Variants in LOC128462377 observed in about 807,000 individuals in gnomAD.
At chr16:89,349,757 A>G in the LOC128462377 span, among the ~76,000 whole-genome samples, 3 of 152,154 alleles carry the variant, frequency 2.0e-5, no homozygotes, top group African/African-American at 7.2e-5. Flanking sequence ...AAAAGCACAA[A>G]GTACCCAAGA....
At chr16:89,365,667 T>C in the LOC128462377 span, among the ~76,000 whole-genome samples, 2 of 152,178 alleles carry the variant, frequency 1.3e-5, no homozygotes, top group Admixed American at 6.5e-5. Flanking sequence ...ACCGCAATTC[T>C]TCCTGGGCAG....
chr16:89,362,319 A>T, the LOC128462377 span, among the ~76,000 whole-genome samples: 1 of 152,232 alleles, frequency 6.6e-6, no homozygotes, highest in Non-Finnish European at 1.5e-5. Context: ...TGCCTGAGTG[A>T]AACCTCACGA....
At chr16:89,318,172 C>A in the LOC128462377 span, among the ~76,000 whole-genome samples, 1 of 152,232 alleles carries the variant, frequency 6.6e-6, no homozygotes, top group Admixed American at 6.5e-5. Context: ...CCTTCCCAGC[C>A]TCGTCCTGGT....
chr16:89,346,885 AAAC>A, the LOC128462377 span, among the ~76,000 whole-genome samples: 1 of 152,268 alleles, frequency 6.6e-6, no homozygotes, highest in South Asian at 2.1e-4. Context: ...AACAGAGACT[AAAC>A]AAAGTCAAAG....
At chr16:89,327,917 T>C in the LOC128462377 span, among the ~76,000 whole-genome samples, 2 of 152,214 alleles carry the variant, frequency 1.3e-5, no homozygotes, top group Non-Finnish European at 2.9e-5. Flanking sequence ...CTTTTGCTCT[T>C]TGAAAGACCT....
the LOC128462377 span, among the ~76,000 whole-genome samples, chr16:89,353,340 TC>T: frequency 6.9e-6 from 1 of 144,356 alleles, no homozygotes; most frequent in African/African-American, 2.6e-5. Flanking sequence ...AGACTCCAAC[TC>T]CAAAAAAAAA....
At chr16:89,322,216 C>T in the LOC128462377 span, among the ~76,000 whole-genome samples, 1 of 152,202 alleles carries the variant, frequency 6.6e-6, no homozygotes, top group African/African-American at 2.4e-5. Flanking sequence ...ACACCAAGCC[C>T]CCTTACACCT....
the LOC128462377 span, among the ~76,000 whole-genome samples, chr16:89,393,571 C>T: frequency 7.3e-5 from 11 of 150,942 alleles, no homozygotes; most frequent in Non-Finnish European, 1.6e-4. Flanking sequence ...GAACTCCCGA[C>T]CTCAGAGTGA....
chr16:89,412,758 T>TA, the LOC128462377 span, among the ~76,000 whole-genome samples: 1 of 151,866 alleles, frequency 6.6e-6, no homozygotes, highest in Non-Finnish European at 1.5e-5. Context: ...ATTAAAAAAA[T>TA]AAAACACTGG....
the LOC128462377 span, among the ~76,000 whole-genome samples, chr16:89,359,921 G>A: frequency 1.3e-5 from 2 of 152,008 alleles, no homozygotes; most frequent in Admixed American, 6.6e-5. Context: ...TAGGTTCGGG[G>A]GCACATGTGA....
At chr16:89,319,935 C>G in the LOC128462377 span, 1 of 152,458 alleles carries the variant, frequency 6.6e-6, no homozygotes, top group Non-Finnish European at 1.5e-5. Flanking sequence ...CCCACACTGC[C>G]CTGTGTTCCC....
the LOC128462377 span, among the ~76,000 whole-genome samples, chr16:89,413,831 G>A: frequency 5.5e-4 from 84 of 152,252 alleles, no homozygotes; most frequent in African/African-American, 2.0e-3. Context: ...GGATGCAGAG[G>A]GGCCTGCCCA....
At chr16:89,339,055 A>C in the LOC128462377 span, among the ~76,000 whole-genome samples, 1 of 152,138 alleles carries the variant, frequency 6.6e-6, no homozygotes, top group Non-Finnish European at 1.5e-5. Flanking sequence ...TGAGTCTCTA[A>C]ACCAGGAGGA....
At chr16:89,416,834 A>G in the LOC128462377 span, among the ~76,000 whole-genome samples, 4 of 152,102 alleles carry the variant, frequency 2.6e-5, no homozygotes, top group African/African-American at 9.6e-5. Context: ...CATTAAGGTC[A>G]GCAGTATCCT....
the LOC128462377 span, chr16:89,324,124 C>A: frequency 1.3e-6 from 1 of 768,512 alleles, no homozygotes; most frequent in Non-Finnish European, 1.7e-6. Flanking sequence ...TGCCCCACGG[C>A]ACAACGCTCT....
the LOC128462377 span, among the ~76,000 whole-genome samples, chr16:89,407,011 C>G: frequency 6.6e-6 from 1 of 152,026 alleles, no homozygotes; most frequent in Admixed American, 6.5e-5. Flanking sequence ...ATGGTGAAAC[C>G]CTGTCTCTAC....
At chr16:89,405,097 C>A in the LOC128462377 span, among the ~76,000 whole-genome samples, 1 of 152,160 alleles carries the variant, frequency 6.6e-6, no homozygotes, top group Non-Finnish European at 1.5e-5. Context: ...CAACTGCCCA[C>A]ACCAGTTAAC....
chr16:89,388,463 G>T, the LOC128462377 span, among the ~76,000 whole-genome samples: 155 of 151,994 alleles, frequency 1.0e-3, no homozygotes, highest in Non-Finnish European at 2.1e-3. Context: ...CTTGAAAATC[G>T]ACACGGAATA....
the LOC128462377 span, among the ~76,000 whole-genome samples, chr16:89,357,711 G>A: frequency 2.0e-5 from 3 of 152,120 alleles, no homozygotes; most frequent in Non-Finnish European, 4.4e-5. Flanking sequence ...CCAATGCTGC[G>A]GACTCCACTC....
Sources: allele counts gnomAD v4.1 joint callset (sites outside exome capture counted in the v4.1 genomes callset), GRCh38; gene constraint gnomAD v4.1.1; transcripts MANE v1.5.